AFG2B: variants seen among roughly 807,000 people sequenced by gnomAD.
AFG2B encodes the protein AAA ATPase AFG2B.
the AFG2B span, chr15:45,420,937 AGTCCAGATCGTGC>A: frequency 7.1e-4 from 781 of 1,102,700 alleles, 1 homozygote; most frequent in Non-Finnish European, 8.0e-4. Flanking sequence ...GGTTGCAGTG[AGTCCAGATCGTGC>A]CACTGCACTC....
chr15:45,414,710 C>T, the AFG2B span: 1 of 1,614,144 alleles, frequency 6.2e-7, no homozygotes, highest in Non-Finnish European at 8.5e-7. Context: ...TGTCACTGCT[C>T]TTTCGTTTCA....
the AFG2B span, among the ~76,000 whole-genome samples, chr15:45,419,891 T>G: frequency 1.4e-4 from 21 of 148,430 alleles, no homozygotes; most frequent in South Asian, 2.1e-3. Flanking sequence ...CTCAGGAGGC[T>G]GAGGTGGGAG....
chr15:45,409,771 G>A, the AFG2B span, among the ~76,000 whole-genome samples: 7 of 152,012 alleles, frequency 4.6e-5, no homozygotes, highest in Admixed American at 6.6e-5. Flanking sequence ...TACTCCGGAG[G>A]GTGAGGTGCA....
chr15:45,415,824 G>A, the AFG2B span: 1 of 1,582,112 alleles, frequency 6.3e-7, no homozygotes, highest in Non-Finnish European at 8.6e-7. Context: ...TTATTAGCCA[G>A]AATGCACCTA....
the AFG2B span, among the ~76,000 whole-genome samples, chr15:45,415,375 A>G: frequency 6.6e-6 from 1 of 151,876 alleles, no homozygotes; most frequent in Non-Finnish European, 1.5e-5. Flanking sequence ...AGCGCACCCT[A>G]TAATCTCAGC....
the AFG2B span, chr15:45,417,188 A>G: frequency 6.5e-7 from 1 of 1,533,974 alleles, no homozygotes; most frequent in Non-Finnish European, 8.8e-7. Context: ...TTTGAATTTA[A>G]ATAGACCTTC....
the AFG2B span, chr15:45,415,586 GAT>G: frequency 6.2e-7 from 1 of 1,609,028 alleles, no homozygotes; most frequent in Non-Finnish European, 8.5e-7. Context: ...CCTAACAAAA[GAT>G]ATTTCGACAA....
At chr15:45,421,153 G>A in the AFG2B span, 1 of 1,610,526 alleles carries the variant, frequency 6.2e-7, no homozygotes, top group Non-Finnish European at 8.5e-7. Flanking sequence ...GCAAGGACTT[G>A]GCTTTATATG....
the AFG2B span, among the ~76,000 whole-genome samples, chr15:45,406,715 A>G: frequency 2.6e-5 from 4 of 152,232 alleles, no homozygotes; most frequent in Non-Finnish European, 5.9e-5. Context: ...TGTAACATCA[A>G]AATTGTCTTT....
At chr15:45,414,885 A>C in the AFG2B span, 1 of 990,934 alleles carries the variant, frequency 1.0e-6, no homozygotes, top group South Asian at 1.7e-5. Flanking sequence ...CCAGTTAAAA[A>C]ATTTATACGT....
chr15:45,402,999 T>C, the AFG2B span: 7 of 1,589,216 alleles, frequency 4.4e-6, no homozygotes, highest in Admixed American at 1.0e-4. Context: ...GCGGGGAGCC[T>C]CCGTCGGAAG....
At chr15:45,414,416 G>C in the AFG2B span, among the ~76,000 whole-genome samples, 2 of 152,198 alleles carry the variant, frequency 1.3e-5, no homozygotes, top group Non-Finnish European at 2.9e-5. Context: ...GGTATCACCT[G>C]ATTCAAATGA....
At chr15:45,412,239 A>G in the AFG2B span, among the ~76,000 whole-genome samples, 2 of 151,742 alleles carry the variant, frequency 1.3e-5, no homozygotes, top group African/African-American at 2.4e-5. Context: ...TGTCTCTACT[A>G]AAAATACAAA....
At chr15:45,416,334 G>T in the AFG2B span, among the ~76,000 whole-genome samples, 1 of 152,182 alleles carries the variant, frequency 6.6e-6, no homozygotes, top group Non-Finnish European at 1.5e-5. Context: ...AACATTTCCA[G>T]TTTTCTTGAG....
chr15:45,417,979 A>G, the AFG2B span, among the ~76,000 whole-genome samples: 9 of 152,138 alleles, frequency 5.9e-5, no homozygotes, highest in Admixed American at 4.6e-4. Flanking sequence ...TATCTATTAT[A>G]CCTTTAAGTT....
the AFG2B span, among the ~76,000 whole-genome samples, chr15:45,414,934 T>C: frequency 2.0e-5 from 3 of 152,238 alleles, no homozygotes; most frequent in Non-Finnish European, 4.4e-5. Flanking sequence ...AGTGTAAATA[T>C]GAAATCCTTC....
chr15:45,407,243 T>C, the AFG2B span: 12 of 1,185,862 alleles, frequency 1.0e-5, no homozygotes. Context: ...CCATCTTTTA[T>C]TCTTTCCCCC....
chr15:45,404,829 A>G, the AFG2B span, among the ~76,000 whole-genome samples: 3 of 151,390 alleles, frequency 2.0e-5, no homozygotes, highest in Admixed American at 2.0e-4. Flanking sequence ...AAAAAGAAAA[A>G]AAAAATATAT....
At chr15:45,421,322 T>TAAAAC in the AFG2B span, 4 of 744,808 alleles carry the variant, frequency 5.4e-6, no homozygotes, top group Non-Finnish European at 8.0e-6. Flanking sequence ...AGTGAATAAA[T>TAAAAC]AAAACAAAAC....
Sources: gnomAD v4.1 joint callset for allele counts (sites outside exome capture counted in the v4.1 genomes callset) on GRCh38, gnomAD v4.1.1 for gene constraint, MANE v1.5 for transcripts, NCBI Gene and HGNC (gene_info 2026-07-23, HGNC 2026-07-21) for gene names.